Variants in DHRS12 observed in about 807,000 individuals in gnomAD.
The protein encoded by DHRS12 is dehydrogenase/reductase SDR family member 12.
DHRS12 carries 29 observed loss-of-function variants against 32.1 expected under a neutral mutation model. The observed-to-expected ratio is 0.90, with a 90% confidence interval of 0.67 to 1.23. DHRS12 has a LOEUF of 1.23. Among genes scored for constraint, DHRS12 ranks in the 50% most tolerant of loss-of-function variants. The pLI, the probability that DHRS12 is intolerant of heterozygous loss-of-function variation, is 0.00. For synonymous variants in DHRS12, 150 were observed against 135.9 expected, an observed-to-expected ratio of 1.10 and a Z score of -0.72; for missense variants, 330 against 337.2, an observed-to-expected ratio of 0.98 and a Z score of 0.17.
Position 51,804,056 on chromosome 13 carries a change from G to T in DHRS12, c.-11C>A. The T allele has an allele frequency of 1.3e-6, 2 of 1,481,688 alleles. No homozygotes were observed. Among genetic ancestry groups the T allele is most frequent in the Non-Finnish European group, 1.8e-6 (2 of 1,122,944 alleles). The allele number at this position is 1,481,688 out of a possible 1,614,324, so 91.8% of individuals were successfully genotyped here. On this transcript the variant is annotated splice_region_variant and 5_prime_UTR_variant, in exon 1 of 9. Coordinates refer to ENST00000444610, the MANE Select transcript of DHRS12 (RefSeq NM_001377533.1). ...CGCGCCCCGCCGCGCCGCCTTACTT[G>T]GTGTACTCGCGCAGCCCCTTGGCGA...
chr13:51,776,085 C>T (rs1214514046), intron 5 of DHRS12: 1 of 98,148 alleles, frequency 1.0e-5, no homozygotes, highest in Admixed American at 1.1e-4. Flanking sequence ...TACATGTATT[C>T]TCCTACATGT....
chr13:51,779,099 C>G (rs1954582098), intron 4 of DHRS12, among the ~76,000 whole-genome samples: 1 of 152,038 alleles, frequency 6.6e-6, no homozygotes, highest in African/African-American at 2.4e-5. Context: ...CAACCCATGC[C>G]AAGGAGAAGG....
At chr13:51,799,969 C>A (rs1253981234) in intron 1 of DHRS12, among the ~76,000 whole-genome samples, 1 of 152,188 alleles carries the variant, frequency 6.6e-6, no homozygotes, top group Non-Finnish European at 1.5e-5. Context: ...AAAAAAATCC[C>A]TTGACAGATG....
intron 2 of DHRS12, among the ~76,000 whole-genome samples, chr13:51,799,321 C>T (rs1360869559): frequency 2.0e-5 from 3 of 152,188 alleles, no homozygotes; most frequent in African/African-American, 4.8e-5. Flanking sequence ...ACCCCAAGCT[C>T]GCCTGAGAAT....
At chr13:51,756,306 GTATC>G in the DHRS12 span, 1 of 1,605,708 alleles carries the variant, frequency 6.2e-7, no homozygotes, top group Non-Finnish European at 8.5e-7. Context: ...GCCGTGATGA[GTATC>G]TATTTTATCT....
the DHRS12 span, chr13:51,761,508 C>T: frequency 3.3e-5 from 5 of 152,200 alleles, no homozygotes; most frequent in East Asian, 1.9e-4. Context: ...TTGTCCTTCC[C>T]GACCCAAGCC....
chr13:51,771,555 G>A lies in DHRS12; in HGVS notation c.559+266C>T. On this transcript the variant is annotated intron_variant, in intron 7 of 8. Coordinates refer to ENST00000444610, the MANE Select transcript of DHRS12 (RefSeq NM_001377533.1). ...CTCTCACCAGGATATGCTGTAGTTA[G>A]CAGGGCGCCCCAGGCGCACCTGCTC... The A allele has an allele frequency of 1.9e-6, 3 of 1,599,814 alleles. No homozygotes were observed. The East Asian group carries it at 6.7e-5, about 36-fold the overall frequency.
chr13:51,789,973 T>C lies in DHRS12; in HGVS notation c.301+38A>G, dbSNP rs747255960. 3 of 1,564,224 alleles carry C rather than the reference T, an allele frequency of 1.9e-6. No individual in the cohort carries two copies. The South Asian group carries it at 3.6e-5, about 19-fold the overall frequency. On this transcript the variant is annotated intron_variant, in intron 4 of 8. Transcript: ENST00000444610. Reference sequence around the variant, plus strand: ...CCTTCTATGGTACATTCTATGTTTATTTTGCTAAAAACAAATAAGAAAACT... The same window carrying C: ...CCTTCTATGGTACATTCTATGTTTACTTTGCTAAAAACAAATAAGAAAACT...
chr13:51,786,418 C>T (rs1954958767), intron 4 of DHRS12, among the ~76,000 whole-genome samples: 4 of 152,156 alleles, frequency 2.6e-5, no homozygotes, highest in Admixed American at 2.6e-4. Flanking sequence ...CTTAATGCCA[C>T]TGAATGCTAA....
At chr13:51,791,285 A>AAC in intron 2 of DHRS12, 28 bp from the exon 3 acceptor site, 1 of 1,169,344 alleles carries the variant, frequency 8.6e-7, no homozygotes, top group Non-Finnish European at 1.2e-6. Flanking sequence ...AAAAAAAAAA[A>AAC]CCCTTTTTAA....
intron 6 of DHRS12, among the ~76,000 whole-genome samples, chr13:51,773,555 G>A (rs1047881161): frequency 2.0e-5 from 3 of 152,144 alleles, no homozygotes; most frequent in Non-Finnish European, 4.4e-5. Context: ...TCAATGTGCC[G>A]CCCCTCCCAG....
chr13:51,763,767 C>T (rs1953661229), downstream of DHRS12: 1 of 152,234 alleles, frequency 6.6e-6, no homozygotes, highest in South Asian at 2.1e-4. Context: ...TACTGCAGTC[C>T]AGCCTGGGCA....
intron 2 of DHRS12, among the ~76,000 whole-genome samples, chr13:51,794,981 T>A (rs1350091693): frequency 6.6e-6 from 1 of 152,068 alleles, no homozygotes; most frequent in Non-Finnish European, 1.5e-5. Flanking sequence ...CAGTAACCAG[T>A]ACTCCTTTCC....
chr13:51,774,039 A>G lies in DHRS12; in HGVS notation c.364-5T>C, dbSNP rs1171042763. 6 of 1,613,278 alleles carry G rather than the reference A, an allele frequency of 3.7e-6. No individual in the cohort carries two copies. In the Admixed American group the frequency reaches 1.0e-4, roughly 27 times the overall value. Reference sequence around the variant, plus strand: ...TCCTCCTGAGGAGACGGTTATCTGCAATAAAGGTAACAGAGATTTACAAAC... The same window carrying G: ...TCCTCCTGAGGAGACGGTTATCTGCGATAAAGGTAACAGAGATTTACAAAC... On this transcript the variant is annotated splice_polypyrimidine_tract_variant and splice_region_variant and intron_variant, in intron 5 of 8. Transcript: ENST00000444610.
At chr13:51,795,299 T>G (rs1369288123) in intron 2 of DHRS12, among the ~76,000 whole-genome samples, 2 of 152,186 alleles carry the variant, frequency 1.3e-5, no homozygotes, top group Non-Finnish European at 2.9e-5. Flanking sequence ...GCTTGCAGGC[T>G]TCCACCTCCC....
chr13:51,779,836 A>C (rs981683177), intron 4 of DHRS12, among the ~76,000 whole-genome samples: 7 of 152,082 alleles, frequency 4.6e-5, no homozygotes, highest in African/African-American at 1.7e-4. Flanking sequence ...GGCTTGTCTC[A>C]GTTAGGAAGT....
At chr13:51,772,783 G>A (rs529702559) in intron 6 of DHRS12, 1 of 985,398 alleles carries the variant, frequency 1.0e-6, no homozygotes, top group Non-Finnish European at 1.2e-6. Flanking sequence ...ACAAGTGGAT[G>A]GTTTATTCCC....
chr13:51,800,291 G>C (rs2139432779), intron 1 of DHRS12, among the ~76,000 whole-genome samples: 1 of 152,376 alleles, frequency 6.6e-6, no homozygotes, highest in South Asian at 2.1e-4. Flanking sequence ...GCATATTGCA[G>C]AAGAGGTATT....
Position 51,768,133 on chromosome 13 carries a change from C to T in DHRS12, c.*54G>A, listed in dbSNP as rs999339866. On this transcript the variant is annotated 3_prime_UTR_variant, in exon 9 of 9. Coordinates refer to ENST00000444610, the MANE Select transcript of DHRS12 (RefSeq NM_001377533.1). ...TTCTTATTCACTGGTCCCTAGACCG[C>T]ACCTTCTGGTATCTTCTAAGGCAAT... The T allele has an allele frequency of 1.6e-5, 25 of 1,534,862 alleles. No individual in the cohort carries two copies. In the African/African-American group the frequency reaches 2.7e-4, roughly 17 times the overall value.
Sources: allele counts gnomAD v4.1 joint callset (sites outside exome capture counted in the v4.1 genomes callset), GRCh38; gene constraint gnomAD v4.1.1; transcripts MANE v1.5; gene names NCBI Gene and HGNC (gene_info 2026-07-23, HGNC 2026-07-21).